Variants in NRXN3 observed in about 807,000 individuals in gnomAD.
NRXN3 encodes the protein neurexin 3.
Under a neutral mutation model 137.6 loss-of-function variants are expected in NRXN3, and 32 were observed. That is an observed-to-expected ratio of 0.23 (90% CI 0.18 to 0.31). NRXN3 has a LOEUF of 0.31. Among genes scored for constraint, NRXN3 ranks in the 10% least tolerant of loss-of-function variants. The pLI, the probability that NRXN3 is intolerant of heterozygous loss-of-function variation, is 1.00. For missense variants in NRXN3, 1,574 were observed against 2,062.5 expected (o/e 0.76, Z 4.59); for synonymous variants, 798 against 784.5 (o/e 1.02, Z -0.29).
intron 16 of NRXN3, among the ~76,000 whole-genome samples, chr14:79,580,316 A>G (rs2097702228): frequency 6.6e-6 from 1 of 152,074 alleles, no homozygotes; most frequent in South Asian, 2.1e-4. Flanking sequence ...CAATAGTGGG[A>G]TTGCTGGTGG....
At chr14:79,275,523 T>C (rs904558131) in intron 15 of NRXN3, among the ~76,000 whole-genome samples, 3 of 151,932 alleles carry the variant, frequency 2.0e-5, no homozygotes, top group African/African-American at 7.3e-5. Flanking sequence ...AAATGTACAG[T>C]ACTGTAGAAA....
intron 1 of NRXN3, among the ~76,000 whole-genome samples, chr14:78,225,099 T>A (rs375126971): frequency 1.9e-3 from 274 of 141,328 alleles, no homozygotes; most frequent in Middle Eastern, 3.7e-3. Context: ...ATTTATAGTC[T>A]TTTGGGTATA....
intron 10 of NRXN3, among the ~76,000 whole-genome samples, chr14:78,879,112 ATGAACACTT>A (rs1263431551): frequency 2.0e-5 from 3 of 152,186 alleles, no homozygotes; most frequent in Admixed American, 6.5e-5. Context: ...TTATGTGTCG[ATGAACACTT>A]AGGTTGATTC....
chr14:79,202,248 T>A (rs72688948), intron 15 of NRXN3, among the ~76,000 whole-genome samples: 6,315 of 151,988 alleles, frequency 0.042, 202 homozygotes, highest in Non-Finnish European at 0.065. Context: ...TAGGAAGAGT[T>A]GGGGGGTAGG....
chr14:78,508,434 C>T (rs2096039218), intron 4 of NRXN3, among the ~76,000 whole-genome samples: 1 of 152,052 alleles, frequency 6.6e-6, no homozygotes, highest in African/African-American at 2.4e-5. Context: ...TCTGGCTTTC[C>T]TGGTGAGATG....
At chr14:79,008,661 CTTT>C (rs372617673) in intron 15 of NRXN3, among the ~76,000 whole-genome samples, 7 of 130,808 alleles carry the variant, frequency 5.4e-5, no homozygotes, top group African/African-American at 1.1e-4. Context: ...TTTCTCTTTG[CTTT>C]TTTTTTTTTT....
chr14:79,502,482 A>C (rs1020573408), intron 16 of NRXN3, among the ~76,000 whole-genome samples: 1 of 152,056 alleles, frequency 6.6e-6, no homozygotes, highest in East Asian at 1.9e-4. Context: ...AGAAACTGGA[A>C]GCAGTTCTCA....
intron 10 of NRXN3, among the ~76,000 whole-genome samples, chr14:78,950,636 AGAAGGAAAGAAG>A (rs964479671): frequency 5.3e-5 from 8 of 152,020 alleles, no homozygotes; most frequent in African/African-American, 1.9e-4. Context: ...GGAAGAAAAA[AGAAGGAAAGAAG>A]GAAGGAAGGA....
chr14:79,775,441 CGT>C (rs1452491815), intron 19 of NRXN3, among the ~76,000 whole-genome samples: 1 of 148,740 alleles, frequency 6.7e-6, no homozygotes, highest in African/African-American at 2.5e-5. Flanking sequence ...GATTGGGGGG[CGT>C]GATTCTTAGT....
intron 8 of NRXN3, among the ~76,000 whole-genome samples, chr14:78,717,430 A>G (rs145509519): frequency 2.1e-4 from 32 of 152,296 alleles, no homozygotes; most frequent in East Asian, 7.7e-4. Flanking sequence ...CAAATTTAAG[A>G]TATTTGATCT....
intron 4 of NRXN3, among the ~76,000 whole-genome samples, chr14:78,481,213 G>A (rs886768637): frequency 6.6e-6 from 1 of 152,150 alleles, no homozygotes; most frequent in Non-Finnish European, 1.5e-5. Flanking sequence ...GACAAAAATT[G>A]TACAAAATTT....
intron 15 of NRXN3, among the ~76,000 whole-genome samples, chr14:79,126,929 T>C (rs1165420109): frequency 4.6e-5 from 7 of 152,236 alleles, no homozygotes; most frequent in Non-Finnish European, 8.8e-5. Context: ...TGGCCAGTGA[T>C]GGTGAGCATT....
intron 19 of NRXN3, among the ~76,000 whole-genome samples, chr14:79,803,518 T>C (rs1160537395): frequency 6.6e-6 from 1 of 152,136 alleles, no homozygotes; most frequent in Non-Finnish European, 1.5e-5. Context: ...GTCCTCTTTT[T>C]AGAGGGACAC....
intron 16 of NRXN3, among the ~76,000 whole-genome samples, chr14:79,495,466 C>A (rs1052172809): frequency 1.3e-5 from 2 of 151,940 alleles, no homozygotes; most frequent in Non-Finnish European, 2.9e-5. Flanking sequence ...CTCTATCAAT[C>A]CAGAATCCTA....
chr14:78,530,158 T>G (rs372528090), intron 4 of NRXN3, among the ~76,000 whole-genome samples: 1 of 152,208 alleles, frequency 6.6e-6, no homozygotes, highest in African/African-American at 2.4e-5. Flanking sequence ...CCTTTGCATG[T>G]GGCCTGATAA....
chr14:79,781,347 A>C (rs993692995), intron 19 of NRXN3, among the ~76,000 whole-genome samples: 1 of 152,202 alleles, frequency 6.6e-6, no homozygotes, highest in Non-Finnish European at 1.5e-5. Flanking sequence ...GATACGGGAA[A>C]AGAGTAATGT....
chr14:78,586,983 G>A (rs1215760995), intron 4 of NRXN3, among the ~76,000 whole-genome samples: 3 of 152,160 alleles, frequency 2.0e-5, no homozygotes, highest in Non-Finnish European at 2.9e-5. Flanking sequence ...TCCCACTGAG[G>A]CCCGGGACAT....
At chr14:78,523,817 A>AG (rs1491482569) in intron 4 of NRXN3, among the ~76,000 whole-genome samples, 4 of 22,324 alleles carry the variant, frequency 1.8e-4, no homozygotes, top group African/African-American at 4.3e-4. Context: ...ACTCTGTCTC[A>AG]AAAAAAAAAA....
At chr14:78,437,442 G>A (rs926922992) in intron 4 of NRXN3, among the ~76,000 whole-genome samples, 3 of 151,774 alleles carry the variant, frequency 2.0e-5, no homozygotes, top group African/African-American at 2.4e-5. Flanking sequence ...TCTGCCTCCT[G>A]GGTTCAAGTG....
Sources: allele counts gnomAD v4.1 joint callset (sites outside exome capture counted in the v4.1 genomes callset), GRCh38; gene constraint gnomAD v4.1.1; transcripts MANE v1.5; gene names NCBI Gene and HGNC (gene_info 2026-07-23, HGNC 2026-07-21).